The following CCND1 variants were observed in gnomAD, a reference collection of about 807,000 sequenced individuals.
CCND1 encodes G1/S-specific cyclin-D1.
Under a neutral mutation model 26.1 loss-of-function variants are expected in CCND1, and 9 were observed. The ratio of observed to expected loss-of-function variants is 0.35; its 90% CI spans 0.21 to 0.60. The LOEUF (loss-of-function observed/expected upper bound fraction) is 0.60, where lower values mean the gene tolerates loss of function less well. Ranked by LOEUF, CCND1 falls within the 20% of genes least tolerant of loss-of-function variation. CCND1 has a pLI of 0.79. For missense variants in CCND1, 335 were observed against 392.9 expected (o/e 0.85, Z 1.25); for synonymous variants, 194 against 166.1 (o/e 1.17, Z -1.29).
In CCND1 at chr11:69,654,032, A is replaced by C; in HGVS notation, c.*2750A>C. ...ACCTAGCAAGCTGCCGAACCAAAAGAATTTGCACCCCGCTGCGGGCCCACG... is the reference window on the plus strand; with the variant it reads ...ACCTAGCAAGCTGCCGAACCAAAAGCATTTGCACCCCGCTGCGGGCCCACG... On this transcript the variant is annotated 3_prime_UTR_variant, in exon 5 of 5. Coordinates refer to ENST00000227507, the MANE Select transcript of CCND1 (RefSeq NM_053056.3). This position sits in a 1 kb window ranked among gnomAD's most constrained non-coding sequence, Gnocchi z 6.3. The C allele has an allele frequency of 1.7e-6, 1 of 600,448 alleles. No individual in the cohort carries two copies. The highest frequency in any genetic ancestry group is 2.9e-5 in the Admixed American group (1 of 34,170). The allele number at this position is 600,448 out of a possible 1,614,324, so 37.2% of individuals were successfully genotyped here. A position where few individuals can be genotyped will look rare whatever the true frequency, so the allele number is the denominator to read the frequency against.
At chr11:69,643,690 C>G (rs999706159) in intron 2 of CCND1, 142 bp from the exon 3 acceptor site, 2 of 712,072 alleles carry the variant, frequency 2.8e-6, no homozygotes, top group Admixed American at 3.1e-5. Flanking sequence ...CCCTCCCCTC[C>G]AACATCCAGG....
At position 69,653,589 on chromosome 11, in the gene CCND1, C is replaced by G; in HGVS notation, c.*2307C>G. On this transcript the variant is annotated 3_prime_UTR_variant, in exon 5 of 5. Transcript: ENST00000227507. ...GCGGGCGCGATCCCACACAGGCTGG[C>G]GGGGGCCGGCCCCGAGGCCGCGTGC... 2.0e-6 allele frequency: 1 copy of G among 502,848 alleles called. No individual in the cohort carries two copies. Among genetic ancestry groups the G allele is most frequent in the Non-Finnish European group, 3.5e-6 (1 of 285,678 alleles). 31.1% of individuals were successfully genotyped at this position (502,848 alleles called of 1,614,324 possible).
Position 69,651,475 on chromosome 11 carries a change from C to A in CCND1, c.*193C>A. ...TGACTTAAGCAAAAGAAAAAGATTA[C>A]CCAAAAACTGTCTTTAAAAGAGAGA... On this transcript the variant is annotated 3_prime_UTR_variant, in exon 5 of 5. Coordinates refer to ENST00000227507, the MANE Select transcript of CCND1 (RefSeq NM_053056.3). 1 of 459,796 alleles carries A rather than the reference C, an allele frequency of 2.2e-6. No individual in the cohort carries two copies. The highest frequency in any genetic ancestry group is 4.1e-5 in the Admixed American group (1 of 24,568). The allele number at this position is 459,796 out of a possible 1,614,324, so 28.5% of individuals were successfully genotyped here. A position where few individuals can be genotyped will look rare whatever the true frequency, so the allele number is the denominator to read the frequency against.
chr11:69,650,959 G>A (rs1855846059), intron 4 of CCND1, among the ~76,000 whole-genome samples, 159 bp from the exon 5 acceptor site: 1 of 152,152 alleles, frequency 6.6e-6, no homozygotes, highest in African/African-American at 2.4e-5. Context: ...CCCACATCTC[G>A]CTCAGGTTCA....
In CCND1 at chr11:69,649,023, C is replaced by T. The variant is rs138922061; in HGVS notation, c.723+881C>T. Among the ~76,000 whole-genome samples the T allele has an allele frequency of 1.5e-3, 223 of 152,312 alleles. 2 individuals carry two copies. Among genetic ancestry groups the T allele is most frequent in the African/African-American group, 5.2e-3 (215 of 41,570 alleles). On this transcript the variant is annotated intron_variant, in intron 4 of 4. Coordinates refer to ENST00000227507, the MANE Select transcript of CCND1 (RefSeq NM_053056.3). ...TCGGAAGAGGAAGAAGCTTTTTTGCCGTGGGACACCGAAGTTGGCAGGGGC... is the reference window on the plus strand; with the variant it reads ...TCGGAAGAGGAAGAAGCTTTTTTGCTGTGGGACACCGAAGTTGGCAGGGGC...
intron 1 of CCND1, 152 bp downstream of exon 1, chr11:69,641,663 T>C: frequency 1.2e-6 from 1 of 800,652 alleles, no homozygotes; most frequent in Non-Finnish European, 2.0e-6. Flanking sequence ...AAAATAAAAA[T>C]TGCGGGTATT....
In CCND1 at chr11:69,643,998, C is replaced by T. The variant is rs377200375; in HGVS notation, c.574+7C>T. The stretch of plus-strand genomic sequence containing the variant: ...GTTGCCCTCTGTGCCACAGGTAGGG[C>T]AGGCCCGGCAGCCCCCGGCCTCCCC... On this transcript the variant is annotated splice_region_variant and intron_variant, in intron 3 of 4. Transcript: ENST00000227507. 5.6e-6 allele frequency: 9 copies of T among 1,613,064 alleles called. No individual in the cohort carries two copies. The highest frequency in any genetic ancestry group is 1.1e-5 in the South Asian group (1 of 91,090).
chr11:69,650,839 G>A (rs1316158914), intron 4 of CCND1, among the ~76,000 whole-genome samples: 1 of 152,122 alleles, frequency 6.6e-6, no homozygotes, highest in Non-Finnish European at 1.5e-5. Flanking sequence ...ATGGGGACGG[G>A]CAGGGGGTGT....
intron 4 of CCND1, 108 bp downstream of exon 4, chr11:69,648,250 TTGGGGC>T (rs961056734): frequency 1.5e-6 from 2 of 1,371,548 alleles, no homozygotes; most frequent in Non-Finnish European, 1.0e-6. Context: ...GGTGACAAGG[TTGGGGC>T]TGGGGCTGGG....
rs375324397 is a variant in CCND1 at position 69,646,391 on chromosome 11, G to A, written c.575-1603G>A. ...CTGCCTTTCTTCCCGGCCCCTCGCC[G>A]GCGGCCCTCTCTTTAACAAGGCCGA... On this transcript the variant is annotated intron_variant, in intron 3 of 4. Transcript: ENST00000227507. Among the ~76,000 whole-genome samples, 236 of 152,214 alleles carry A rather than the reference G, an allele frequency of 1.6e-3. 4 individuals are homozygous for A. The South Asian group carries it at 0.034, about 22-fold the overall frequency.
chr11:69,642,522 G>A (rs1855720354), intron 1 of CCND1, among the ~76,000 whole-genome samples: 1 of 152,154 alleles, frequency 6.6e-6, no homozygotes, highest in Non-Finnish European at 1.5e-5. Context: ...GTCGCCCGAG[G>A]GTCATTTTCA....
At chr11:69,642,720 A>G (rs1855723452) in intron 1 of CCND1, among the ~76,000 whole-genome samples, 1 of 151,810 alleles carries the variant, frequency 6.6e-6, no homozygotes, top group Non-Finnish European at 1.5e-5. Context: ...CAGAGGGACC[A>G]CGGAGCTCCA....
rs1369628949 is a variant in CCND1 at position 69,652,655 on chromosome 11, A to C, written c.*1373A>C. The C allele has an allele frequency of 4.3e-6, 1 of 233,166 alleles. No homozygotes were observed. The highest frequency in any genetic ancestry group is 6.0e-5 in the East Asian group (1 of 16,602). 14.4% of individuals were successfully genotyped at this position (233,166 alleles called of 1,614,324 possible). A position where few individuals can be genotyped will look rare whatever the true frequency, so the allele number is the denominator to read the frequency against. The stretch of plus-strand genomic sequence containing the variant: ...GGTTATCTTAGATGTTTCACACCGG[A>C]AGGTTTTTAAACACTAAAATATATA... On this transcript the variant is annotated 3_prime_UTR_variant, in exon 5 of 5. Coordinates refer to ENST00000227507, the MANE Select transcript of CCND1 (RefSeq NM_053056.3).
chr11:69,643,637 T>C (rs1403777277), intron 2 of CCND1, 195 bp from the exon 3 acceptor site: 3 of 536,912 alleles, frequency 5.6e-6, no homozygotes, highest in Non-Finnish European at 9.7e-6. Flanking sequence ...TGATCTGGGA[T>C]TGCGTGTTGC....
intron 1 of CCND1, among the ~76,000 whole-genome samples, chr11:69,642,409 A>C (rs909285229): frequency 6.6e-5 from 10 of 150,520 alleles, no homozygotes; most frequent in African/African-American, 2.4e-4. Context: ...GCGAGAGGGA[A>C]ACGCCGCCCG....
At position 69,643,278 on chromosome 11, in the gene CCND1, C is replaced by T. The variant is rs571311003; in HGVS notation, c.414+32C>T. The T allele has an allele frequency of 2.5e-5, 38 of 1,512,950 alleles. 1 individual carries two copies. The highest frequency in any genetic ancestry group is 2.1e-4 in the South Asian group (17 of 82,564). 93.7% of individuals were successfully genotyped at this position (1,512,950 alleles called of 1,614,324 possible). ...ACTGGACCCCGCCGCCCCCCGCCCCCCGCGAGCCGCACGCAGGACCACGGG... is the reference window on the plus strand; with the variant it reads ...ACTGGACCCCGCCGCCCCCCGCCCCTCGCGAGCCGCACGCAGGACCACGGG... On this transcript the variant is annotated intron_variant, in intron 2 of 4. Coordinates refer to ENST00000227507, the MANE Select transcript of CCND1 (RefSeq NM_053056.3).
chr11:69,651,076 AG>A, intron 4 of CCND1, 41 bp from the exon 5 acceptor site: 2 of 1,587,550 alleles, frequency 1.3e-6, no homozygotes, highest in Non-Finnish European at 1.7e-6. Flanking sequence ...GCCCCTTCTA[AG>A]GACCCCCTCT....
chr11:69,648,107 A>C lies in CCND1; in HGVS notation c.688A>C (p.Thr230Pro), dbSNP rs2120109800. ...CAACTTCCTGTCCTACTACCGCCTC[A>C]CACGCTTCCTCTCCAGAGTGATCAA... ...PNNFLSYYRL[T>P]RFLSRVIKCD... Residue 230 changes from threonine to proline, a missense_variant, in exon 4 of 5, where the codon ACA (threonine) becomes CCA (proline). Coordinates refer to ENST00000227507, the MANE Select transcript of CCND1 (RefSeq NM_053056.3). 1.9e-6 allele frequency: 3 copies of C among 1,613,910 alleles called. No homozygotes were observed. Among genetic ancestry groups the C allele is most frequent in the Non-Finnish European group, 1.7e-6 (2 of 1,180,004 alleles).
chr11:69,643,736 G>A, intron 2 of CCND1, 96 bp from the exon 3 acceptor site: 1 of 1,189,616 alleles, frequency 8.4e-7, no homozygotes, highest in East Asian at 2.5e-5. Context: ...CTCTGAGCCG[G>A]AGGTGCGGCG....
Sources: allele counts gnomAD v4.1 joint callset (sites outside exome capture counted in the v4.1 genomes callset), GRCh38; gene constraint gnomAD v4.1.1; non-coding constraint Gnocchi (gnomAD v3.1); transcripts MANE v1.5; gene names NCBI Gene and HGNC (gene_info 2026-07-23, HGNC 2026-07-21).